The following PTPRT variants were observed in gnomAD, a reference collection of about 807,000 sequenced individuals.
PTPRT encodes protein tyrosine phosphatase receptor type T.
Under a neutral mutation model 176.8 loss-of-function variants are expected in PTPRT, and 56 were observed. The ratio of observed to expected loss-of-function variants is 0.32; its 90% CI spans 0.26 to 0.40. The LOEUF (loss-of-function observed/expected upper bound fraction) is 0.40. Among genes scored for constraint, PTPRT ranks in the 10% least tolerant of loss-of-function variants. The probability of loss-of-function intolerance (pLI) is 1.00; values close to 1 mark genes in which losing one functional copy is unlikely to be tolerated. For synonymous variants in PTPRT, 783 were observed against 739.0 expected (o/e 1.06, Z -0.96); for missense variants, 1,540 against 1,908.2 (o/e 0.81, Z 3.60).
chr20:42,828,013 A>G (rs1223577498), intron 2 of PTPRT, among the ~76,000 whole-genome samples: 1 of 152,210 alleles, frequency 6.6e-6, no homozygotes, highest in Non-Finnish European at 1.5e-5. Context: ...AGGATGTCCA[A>G]AAATGTGGAA....
At chr20:42,931,305 T>C (rs138658801) in intron 1 of PTPRT, among the ~76,000 whole-genome samples, 294 of 152,258 alleles carry the variant, frequency 1.9e-3, no homozygotes, top group Non-Finnish European at 3.6e-3. Context: ...TTTCTCTTTG[T>C]ACACACACAC....
intron 1 of PTPRT, among the ~76,000 whole-genome samples, chr20:43,111,794 T>A (rs1330130024): frequency 1.3e-5 from 2 of 152,202 alleles, no homozygotes; most frequent in African/African-American, 4.8e-5. Flanking sequence ...AATCACCTTT[T>A]GGGAAACAGG....
intron 7 of PTPRT, among the ~76,000 whole-genome samples, chr20:42,506,138 C>A (rs1171913480): frequency 6.6e-6 from 1 of 152,058 alleles, no homozygotes; most frequent in Non-Finnish European, 1.5e-5. Context: ...CTTAACATTT[C>A]TTTTTTGGTG....
At chr20:42,321,257 T>A (rs960113326) in intron 11 of PTPRT, among the ~76,000 whole-genome samples, 3 of 152,152 alleles carry the variant, frequency 2.0e-5, no homozygotes, top group African/African-American at 4.8e-5. Context: ...AACTTGTGGC[T>A]GCATATTATA....
At chr20:42,104,311 GT>G (rs1421502024) in intron 25 of PTPRT, among the ~76,000 whole-genome samples, 1 of 151,938 alleles carries the variant, frequency 6.6e-6, no homozygotes, top group Non-Finnish European at 1.5e-5. Flanking sequence ...TCTATAAAAA[GT>G]AAAAAAAAGA....
At chr20:42,718,491 T>G (rs2076259529) in intron 6 of PTPRT, among the ~76,000 whole-genome samples, 1 of 152,028 alleles carries the variant, frequency 6.6e-6, no homozygotes, top group Non-Finnish European at 1.5e-5. Flanking sequence ...GGGCCGAGAT[T>G]GCGCCACTGC....
chr20:43,028,909 G>A (rs137955124), intron 1 of PTPRT, among the ~76,000 whole-genome samples: 22 of 152,328 alleles, frequency 1.4e-4, no homozygotes, highest in East Asian at 9.7e-4. Context: ...CTACAGACAC[G>A]GGTCAGGAAG....
chr20:42,861,483 T>C (rs1250846367), intron 2 of PTPRT, among the ~76,000 whole-genome samples: 1 of 152,090 alleles, frequency 6.6e-6, no homozygotes, highest in African/African-American at 2.4e-5. Flanking sequence ...ATTCATTCAT[T>C]TAAGAAAAAA....
At chr20:42,161,298 C>A in intron 17 of PTPRT, 54 bp downstream of exon 17, 1 of 1,599,820 alleles carries the variant, frequency 6.3e-7, no homozygotes, top group African/African-American at 1.3e-5. Flanking sequence ...GGCTTTAGTG[C>A]CCAAATAAGC....
chr20:42,380,165 T>C (rs1347859040), intron 9 of PTPRT, among the ~76,000 whole-genome samples: 2 of 152,158 alleles, frequency 1.3e-5, no homozygotes, highest in African/African-American at 2.4e-5. Context: ...TTAAAAACCT[T>C]GAACTTCAGT....
chr20:42,976,953 T>A (rs150703830), intron 1 of PTPRT, among the ~76,000 whole-genome samples: 2,384 of 152,334 alleles, frequency 0.016, 34 homozygotes, highest in Non-Finnish European at 0.022. Context: ...ACTTCCTATG[T>A]CAGCTTTTGA....
At chr20:42,985,866 G>A (rs1048641647) in intron 1 of PTPRT, among the ~76,000 whole-genome samples, 28 of 152,122 alleles carry the variant, frequency 1.8e-4, no homozygotes, top group African/African-American at 5.1e-4. Context: ...GTGAAGGTAC[G>A]CCTCCCTGTT....
the PTPRT span, among the ~76,000 whole-genome samples, chr20:42,037,136 G>C: frequency 6.6e-6 from 1 of 152,272 alleles, no homozygotes; most frequent in South Asian, 2.1e-4. Flanking sequence ...CTTACAAATG[G>C]ACTCTTGGAA....
chr20:42,513,760 T>G (rs760742583), intron 7 of PTPRT, among the ~76,000 whole-genome samples: 1 of 152,170 alleles, frequency 6.6e-6, no homozygotes, highest in African/African-American at 2.4e-5. Flanking sequence ...ATACATTTCT[T>G]TACCCCAAGA....
intron 9 of PTPRT, among the ~76,000 whole-genome samples, chr20:42,386,291 G>A (rs972264220): frequency 1.3e-5 from 2 of 152,110 alleles, no homozygotes; most frequent in African/African-American, 2.4e-5. Context: ...GAGAGTGACA[G>A]GGTTAGATTT....
intron 12 of PTPRT, among the ~76,000 whole-genome samples, chr20:42,315,184 CAAAAAAAAAAAAA>C (rs71193656): frequency 3.2e-5 from 2 of 63,404 alleles, no homozygotes; most frequent in Non-Finnish European, 5.8e-5. Flanking sequence ...GGCTCCGTCT[CAAAAAAAAAAAAA>C]AAAAAAAAAA....
intron 6 of PTPRT, among the ~76,000 whole-genome samples, chr20:42,715,716 G>T (rs906311246): frequency 1.3e-5 from 2 of 152,002 alleles, no homozygotes; most frequent in Non-Finnish European, 2.9e-5. Context: ...AAAACATAAG[G>T]AACCAAGAGA....
chr20:42,178,546 A>G (rs901372093), intron 16 of PTPRT, among the ~76,000 whole-genome samples: 2 of 152,198 alleles, frequency 1.3e-5, no homozygotes, highest in Non-Finnish European at 2.9e-5. Context: ...TGTATTAGTT[A>G]TCCACTGCTA....
intron 1 of PTPRT, among the ~76,000 whole-genome samples, chr20:42,985,768 GAGA>G (rs577892689): frequency 1.1e-4 from 17 of 152,302 alleles, no homozygotes; most frequent in Middle Eastern, 3.4e-3. Flanking sequence ...CAGCCTCACT[GAGA>G]AGATGTTCAA....
Sources: allele counts gnomAD v4.1 joint callset (sites outside exome capture counted in the v4.1 genomes callset), GRCh38; gene constraint gnomAD v4.1.1; transcripts MANE v1.5; gene names NCBI Gene and HGNC (gene_info 2026-07-23, HGNC 2026-07-21).